Variants in FALEC observed in about 807,000 individuals in gnomAD.
FALEC encodes the protein focally amplified lncRNA regulator of ECM1.
the FALEC span, among the ~76,000 whole-genome samples, chr1:150,526,349 C>CAAAAAAA: frequency 4.4e-3 from 269 of 61,734 alleles, 3 homozygotes; most frequent in Non-Finnish European, 6.6e-3. Flanking sequence ...AACTCCGTCT[C>CAAAAAAA]AAAAAAAAAA....
At chr1:150,533,288 G>C in the FALEC span, among the ~76,000 whole-genome samples, 1 of 152,190 alleles carries the variant, frequency 6.6e-6, no homozygotes, top group African/African-American at 2.4e-5. Context: ...TGAGGGGATG[G>C]AGTATAGATC....
At chr1:150,536,560 T>G in the FALEC span, among the ~76,000 whole-genome samples, 1 of 152,156 alleles carries the variant, frequency 6.6e-6, no homozygotes, top group East Asian at 1.9e-4. Flanking sequence ...GGGAGGCTGA[T>G]GCAGAAGGAT....
the FALEC span, among the ~76,000 whole-genome samples, chr1:150,527,864 T>TAAAG: frequency 4.6e-5 from 7 of 151,798 alleles, no homozygotes; most frequent in African/African-American, 1.7e-4. Context: ...AATGTATAAG[T>TAAAG]AAATAAATAA....
downstream of FALEC, among the ~76,000 whole-genome samples, chr1:150,520,328 C>A (rs1382416944): frequency 6.6e-6 from 1 of 152,156 alleles, no homozygotes; most frequent in African/African-American, 2.4e-5. Context: ...TAACTGGCAT[C>A]CCCCCTCCCT....
downstream of FALEC, among the ~76,000 whole-genome samples, chr1:150,519,486 C>T (rs1670612326): frequency 6.6e-6 from 1 of 151,730 alleles, no homozygotes; most frequent in African/African-American, 2.4e-5. Flanking sequence ...TTTGGGAGAC[C>T]GAGGTGGGCA....
the FALEC span, among the ~76,000 whole-genome samples, chr1:150,525,806 C>G: frequency 2.6e-5 from 4 of 152,108 alleles, no homozygotes; most frequent in East Asian, 1.9e-4. Flanking sequence ...CACACACCAC[C>G]ATACCTGGCT....
chr1:150,522,853 A>C (rs140534082), downstream of FALEC, among the ~76,000 whole-genome samples: 16,807 of 97,380 alleles, frequency 0.17, 3,420 homozygotes, highest in South Asian at 0.34. Context: ...CTCTCTCTCT[A>C]TATATATATA....
the FALEC span, among the ~76,000 whole-genome samples, chr1:150,533,779 G>A: frequency 2.0e-5 from 3 of 152,104 alleles, no homozygotes; most frequent in Non-Finnish European, 4.4e-5. Context: ...AGAACCCAGA[G>A]CTTTTATCAG....
chr1:150,518,007 C>G (rs1007542733), exon 2 of FALEC: 2 of 152,114 alleles, frequency 1.3e-5, no homozygotes, highest in East Asian at 3.8e-4. Flanking sequence ...CACTAGCAGC[C>G]TATTACACAG....
At chr1:150,532,979 A>G in the FALEC span, among the ~76,000 whole-genome samples, 1 of 152,156 alleles carries the variant, frequency 6.6e-6, no homozygotes, top group African/African-American at 2.4e-5. Flanking sequence ...GGCATGGGGA[A>G]CAGCTTCGGC....
chr1:150,532,450 A>C, the FALEC span, among the ~76,000 whole-genome samples: 1 of 152,138 alleles, frequency 6.6e-6, no homozygotes, highest in African/African-American at 2.4e-5. Flanking sequence ...AAAATCACAA[A>C]AGAGTTTTTG....
chr1:150,529,049 C>CTAGA, the FALEC span, among the ~76,000 whole-genome samples: 1 of 81,898 alleles, frequency 1.2e-5, no homozygotes, highest in East Asian at 2.8e-4. Context: ...ATCAAAGGAT[C>CTAGA]TAGAGCACAG....
At chr1:150,522,904 C>CAT (rs1335307441), downstream of FALEC, among the ~76,000 whole-genome samples, 137 of 72,106 alleles carry the variant, frequency 1.9e-3, 12 homozygotes, top group Middle Eastern at 6.8e-3. Flanking sequence ...TATATATATA[C>CAT]ATATATATAC....
chr1:150,529,016 C>CAAAAAAAAATAAAAAA, the FALEC span, among the ~76,000 whole-genome samples: 1 of 59,292 alleles, frequency 1.7e-5, no homozygotes. Flanking sequence ...AAATAAATAG[C>CAAAAAAAAATAAAAAA]AAAAAAAAAA....
chr1:150,529,016 C>CAAAAAAAAAACAAAAAAAAAAAAAA, the FALEC span, among the ~76,000 whole-genome samples: 2 of 59,292 alleles, frequency 3.4e-5, no homozygotes, highest in Non-Finnish European at 5.9e-5. Flanking sequence ...AAATAAATAG[C>CAAAAAAAAAACAAAAAAAAAAAAAA]AAAAAAAAAA....
intron 1 of FALEC, among the ~76,000 whole-genome samples, chr1:150,517,552 G>C (rs1479064866): frequency 1.3e-5 from 2 of 152,098 alleles, no homozygotes; most frequent in Non-Finnish European, 2.9e-5. Flanking sequence ...CATGAGGGTG[G>C]AGCCCTCATA....
the FALEC span, among the ~76,000 whole-genome samples, chr1:150,535,628 T>C: frequency 6.6e-6 from 1 of 152,226 alleles, no homozygotes; most frequent in Non-Finnish European, 1.5e-5. Context: ...ACTGTTCAGT[T>C]ACGGGCTTTA....
chr1:150,527,742 C>T, the FALEC span, among the ~76,000 whole-genome samples: 1 of 151,842 alleles, frequency 6.6e-6, no homozygotes, highest in African/African-American at 2.4e-5. Flanking sequence ...TCCAGCTACT[C>T]GGGAGGCTGA....
chr1:150,529,016 C>CAAAAAAAAGA, the FALEC span, among the ~76,000 whole-genome samples: 1 of 59,292 alleles, frequency 1.7e-5, no homozygotes, highest in African/African-American at 7.7e-5. Context: ...AAATAAATAG[C>CAAAAAAAAGA]AAAAAAAAAA....
Sources: gnomAD v4.1 joint callset for allele counts (sites outside exome capture counted in the v4.1 genomes callset) on GRCh38, gnomAD v4.1.1 for gene constraint, MANE v1.5 for transcripts, NCBI Gene and HGNC (gene_info 2026-07-23, HGNC 2026-07-21) for gene names.